Variants in GALC observed in about 807,000 individuals in gnomAD.
GALC encodes the protein galactosylceramidase, also known as galactocerebrosidase.
GALC carries 77 observed loss-of-function variants against 91.8 expected under a neutral mutation model. The ratio of observed to expected loss-of-function variants is 0.84; its 90% CI spans 0.70 to 1.01. GALC has a LOEUF of 1.01. Ranked by LOEUF, GALC falls within the 50% of genes least tolerant of loss-of-function variation. GALC has a pLI of 0.00. For missense variants in GALC, 882 were observed against 855.9 expected, an observed-to-expected ratio of 1.03 and a Z score of -0.38; for synonymous variants, 357 against 306.7, an observed-to-expected ratio of 1.16 and a Z score of -1.71.
chr14:87,992,394 G>C (rs1312196863), intron 1 of GALC: 1 of 1,535,670 alleles, frequency 6.5e-7, no homozygotes, highest in Non-Finnish European at 8.7e-7. Context: ...AAGAGACCTT[G>C]AGGCACCAGT....
chr14:87,969,782 T>C (rs940280997), intron 7 of GALC, among the ~76,000 whole-genome samples: 3 of 152,228 alleles, frequency 2.0e-5, no homozygotes, highest in African/African-American at 7.2e-5. Context: ...TATTTGGTAA[T>C]TCTTTATACC....
intron 10 of GALC, among the ~76,000 whole-genome samples, chr14:87,951,131 TG>T (rs1423786865): frequency 6.6e-6 from 1 of 151,716 alleles, no homozygotes; most frequent in African/African-American, 2.4e-5. Flanking sequence ...TTCGTTCTCA[TG>T]TAAGAAGTAA....
At chr14:87,941,882 TTG>T (rs1317948586) in intron 14 of GALC, among the ~76,000 whole-genome samples, 1 of 152,026 alleles carries the variant, frequency 6.6e-6, no homozygotes, top group African/African-American at 2.4e-5. Flanking sequence ...AATGCTACTA[TTG>T]TCTATGAACA....
chr14:87,991,046 T>C (rs933763884), intron 1 of GALC, among the ~76,000 whole-genome samples: 17 of 152,174 alleles, frequency 1.1e-4, no homozygotes, highest in African/African-American at 4.1e-4. Flanking sequence ...GGTATAACTG[T>C]ATCCCAAAAA....
chr14:87,943,737 C>A (rs1370164236), intron 14 of GALC, among the ~76,000 whole-genome samples: 1 of 152,004 alleles, frequency 6.6e-6, no homozygotes, highest in Non-Finnish European at 1.5e-5. Context: ...TTTTTATTCC[C>A]TCCTTTTCCC....
At chr14:87,941,344 G>A (rs2139940957) in intron 15 of GALC, 51 bp downstream of exon 15, 1 of 1,168,952 alleles carries the variant, frequency 8.6e-7, no homozygotes, top group African/African-American at 1.5e-5. Flanking sequence ...GGTGCTCAAA[G>A]TAACATAGCC....
Position 87,988,133 on chromosome 14 carries a change from A to T in GALC, c.328+11T>A. The T allele has an allele frequency of 1.9e-6, 3 of 1,610,746 alleles. No homozygotes were observed. Among genetic ancestry groups the T allele is most frequent in the Non-Finnish European group, 2.5e-6 (3 of 1,177,064 alleles). On this transcript the variant is annotated intron_variant, in intron 3 of 16. Coordinates refer to ENST00000261304, the MANE Select transcript of GALC (RefSeq NM_000153.4). ...TTGATGGGAGAAATCCTATCTCCCA[A>T]ATTCTCCTACCTGTTGTCTGCCCAT...
chr14:87,956,393 T>C (rs1005351833), intron 10 of GALC, among the ~76,000 whole-genome samples: 2 of 151,920 alleles, frequency 1.3e-5, no homozygotes, highest in Non-Finnish European at 2.9e-5. Context: ...ATATATTATA[T>C]ACGAGTTGCT....
intron 10 of GALC, chr14:87,954,903 TG>T: frequency 6.4e-7 from 1 of 1,568,676 alleles, no homozygotes; most frequent in South Asian, 1.1e-5. Context: ...CTTTAATGAC[TG>T]TAGTTGATGG....
rs1331224157 is a variant in GALC at position 87,984,512 on chromosome 14, C to T, written c.464G>A (p.Gly155Glu). The change falls in exon 5 of 17, where the codon GGA becomes GAA. Residue 155 changes from glycine (G) to glutamate (E), a missense_variant. Coordinates refer to ENST00000261304, the MANE Select transcript of GALC (RefSeq NM_000153.4). ...TLIGLPWSFP[G>E]WLGKGFDWPY... The stretch of plus-strand genomic sequence containing the variant: ...CCAGTCGAAACCTTTTCCCAGCCAT[C>T]CAGGGAATGACCATGGCAACCCTGC... 1 of 1,614,054 alleles carries T rather than the reference C, an allele frequency of 6.2e-7. No homozygotes were observed. The highest frequency in any genetic ancestry group is 8.5e-7 in the Non-Finnish European group (1 of 1,179,984).
intron 12 of GALC, among the ~76,000 whole-genome samples, chr14:87,949,088 T>C (rs774551447): frequency 7.9e-5 from 12 of 151,806 alleles, no homozygotes; most frequent in Non-Finnish European, 1.8e-4. Flanking sequence ...TAGGTGAATA[T>C]GAGCTAAGAC....
chr14:87,939,689 T>C (rs1884750531), intron 16 of GALC, among the ~76,000 whole-genome samples: 1 of 151,854 alleles, frequency 6.6e-6, no homozygotes, highest in Non-Finnish European at 1.5e-5. Context: ...TTTAAAAAAA[T>C]AGTGACCTGA....
chr14:87,940,083 A>G, intron 15 of GALC, 102 bp from the exon 16 acceptor site: 5 of 905,434 alleles, frequency 5.5e-6, no homozygotes, highest in Non-Finnish European at 9.2e-6. Context: ...TATGTAGTAA[A>G]GTCAGCCTCA....
intron 6 of GALC, chr14:87,980,385 A>G (rs1258323894): frequency 5.8e-6 from 3 of 520,836 alleles, no homozygotes; most frequent in Non-Finnish European, 7.4e-6. Context: ...CTGTCAAAAA[A>G]AAAAAAAAAG....
intron 10 of GALC, chr14:87,954,702 T>C: frequency 6.4e-7 from 1 of 1,550,480 alleles, no homozygotes; most frequent in South Asian, 1.1e-5. Context: ...TCATTTCCTA[T>C]TACGGCAGCT....
intron 14 of GALC, 43 bp downstream of exon 14, chr14:87,945,510 A>T: frequency 7.3e-7 from 1 of 1,368,880 alleles, no homozygotes; most frequent in Non-Finnish European, 1.0e-6. Flanking sequence ...ACAATATTAC[A>T]AGGGTATTTC....
intron 4 of GALC, 110 bp from the exon 5 acceptor site, chr14:87,984,643 T>C (rs997035244): frequency 9.4e-5 from 99 of 1,053,632 alleles, no homozygotes; most frequent in South Asian, 7.5e-4. Flanking sequence ...AAAAAACCAA[T>C]ACAGATCTGA....
chr14:87,963,626 T>C (rs529915456), intron 9 of GALC, 115 bp from the exon 10 acceptor site: 1 of 884,562 alleles, frequency 1.1e-6, no homozygotes, highest in Non-Finnish European at 1.8e-6. Context: ...ACAAGCTATT[T>C]TCTATTTTGC....
At chr14:87,953,678 T>C in intron 10 of GALC, 2 of 1,608,846 alleles carry the variant, frequency 1.2e-6, no homozygotes, top group Non-Finnish European at 1.7e-6. Context: ...TCTAGAGTCC[T>C]TCAAGTAGCT....
Sources: gnomAD v4.1 joint callset for allele counts (sites outside exome capture counted in the v4.1 genomes callset) on GRCh38, gnomAD v4.1.1 for gene constraint, MANE v1.5 for transcripts, NCBI Gene and HGNC (gene_info 2026-07-23, HGNC 2026-07-21) for gene names.